The following XKR9 variants were observed in gnomAD, a reference collection of about 807,000 sequenced individuals.
XKR9 encodes the protein XK related 9, also known as XK-related protein 9.
A neutral mutation model predicts 32.0 loss-of-function variants in XKR9; 32 were observed. That is an observed-to-expected ratio of 1.00 (90% CI 0.76 to 1.34). The LOEUF is 1.34. Ranked by LOEUF, XKR9 falls within the 40% of genes most tolerant of loss-of-function variation. The pLI, the probability that XKR9 is intolerant of heterozygous loss-of-function variation, is 0.00. For missense variants in XKR9, 546 were observed against 429.7 expected (o/e 1.27, Z -2.39); for synonymous variants, 168 against 143.4 (o/e 1.17, Z -1.22).
chr8:70,875,463 C>A, the XKR9 span, among the ~76,000 whole-genome samples: 3 of 152,138 alleles, frequency 2.0e-5, no homozygotes, highest in African/African-American at 7.2e-5. Context: ...AATACTGGTG[C>A]CTCCTCAAAG....
chr8:71,061,962 A>C, the XKR9 span, among the ~76,000 whole-genome samples: 4 of 152,210 alleles, frequency 2.6e-5, no homozygotes, highest in African/African-American at 9.7e-5. Flanking sequence ...GAGACAAAAG[A>C]AGCATTATCC....
At chr8:70,850,463 CAA>C in the XKR9 span, among the ~76,000 whole-genome samples, 14 of 73,974 alleles carry the variant, frequency 1.9e-4, no homozygotes, top group Non-Finnish European at 2.8e-4. Context: ...GACTCCTTCT[CAA>C]AAAAAAAAAA....
intron 1 of XKR9, among the ~76,000 whole-genome samples, chr8:70,671,560 A>C: frequency 1.2e-5 from 1 of 80,716 alleles, no homozygotes; most frequent in African/African-American, 3.8e-5. Flanking sequence ...TTCAATTCCC[A>C]CCTATGAGTG....
intron 2 of XKR9, among the ~76,000 whole-genome samples, chr8:70,769,730 G>C (rs1339004743): frequency 6.6e-6 from 1 of 151,088 alleles, no homozygotes; most frequent in Non-Finnish European, 1.5e-5. Flanking sequence ...TGATCGATTT[G>C]ACTCTTGATA....
chr8:70,806,760 G>T, the XKR9 span, among the ~76,000 whole-genome samples: 2 of 152,024 alleles, frequency 1.3e-5, no homozygotes, highest in Non-Finnish European at 2.9e-5. Flanking sequence ...AGAAATGAGG[G>T]ACTTCATAAA....
chr8:70,784,497 T>C (rs1807657505), intron 2 of XKR9, among the ~76,000 whole-genome samples: 1 of 152,094 alleles, frequency 6.6e-6, no homozygotes, highest in Non-Finnish European at 1.5e-5. Flanking sequence ...CTGGTTAGTT[T>C]GTTGTTAGTG....
the XKR9 span, among the ~76,000 whole-genome samples, chr8:70,915,605 A>G: frequency 6.6e-6 from 1 of 152,166 alleles, no homozygotes; most frequent in South Asian, 2.1e-4. Context: ...TTGCTTTTTC[A>G]TATTAATCTA....
At chr8:70,867,527 C>T in the XKR9 span, among the ~76,000 whole-genome samples, 1 of 152,222 alleles carries the variant, frequency 6.6e-6, no homozygotes, top group Non-Finnish European at 1.5e-5. Context: ...TCTTGGCTCA[C>T]TGCAACCTCT....
At chr8:70,958,118 T>G in the XKR9 span, among the ~76,000 whole-genome samples, 1 of 152,222 alleles carries the variant, frequency 6.6e-6, no homozygotes, top group Non-Finnish European at 1.5e-5. Flanking sequence ...GCATTTAGGT[T>G]GATTCTATGT....
At chr8:70,956,149 C>T in the XKR9 span, among the ~76,000 whole-genome samples, 1 of 152,096 alleles carries the variant, frequency 6.6e-6, no homozygotes, top group Admixed American at 6.5e-5. Context: ...CTCTTTCAGT[C>T]CCGCCATTCT....
the XKR9 span, among the ~76,000 whole-genome samples, chr8:70,964,897 A>C: frequency 3.9e-5 from 6 of 152,074 alleles, no homozygotes; most frequent in African/African-American, 1.4e-4. Context: ...TCTGCAAAAA[A>C]AGTTAATTTC....
chr8:71,002,432 G>T, the XKR9 span, among the ~76,000 whole-genome samples: 1 of 150,424 alleles, frequency 6.6e-6, no homozygotes, highest in African/African-American at 2.4e-5. Flanking sequence ...CTTTTAGTAT[G>T]TTCTGTCTCT....
At chr8:70,776,536 T>C (rs1354607828) in intron 2 of XKR9, among the ~76,000 whole-genome samples, 2 of 151,956 alleles carry the variant, frequency 1.3e-5, no homozygotes, top group Non-Finnish European at 2.9e-5. Flanking sequence ...CTCCCTGGGG[T>C]TTCTATAAGA....
At chr8:71,058,437 T>A in the XKR9 span, among the ~76,000 whole-genome samples, 1 of 152,176 alleles carries the variant, frequency 6.6e-6, no homozygotes, top group Non-Finnish European at 1.5e-5. Flanking sequence ...AGATTAATCC[T>A]CCCTTTCCTC....
the XKR9 span, among the ~76,000 whole-genome samples, chr8:70,858,796 A>G: frequency 3.3e-5 from 5 of 152,078 alleles, no homozygotes; most frequent in Admixed American, 3.3e-4. Context: ...GGAAAACTAG[A>G]TAACTACATG....
At chr8:70,856,714 T>C in the XKR9 span, among the ~76,000 whole-genome samples, 1 of 152,160 alleles carries the variant, frequency 6.6e-6, no homozygotes, top group African/African-American at 2.4e-5. Flanking sequence ...ATTGACCACA[T>C]AGTTGGAAGT....
At chr8:70,878,481 C>CA in the XKR9 span, among the ~76,000 whole-genome samples, 57 of 148,134 alleles carry the variant, frequency 3.8e-4, no homozygotes, top group African/African-American at 8.9e-4. Flanking sequence ...AAATGGAAAG[C>CA]AAAAAAAAAG....
chr8:71,042,452 T>G, the XKR9 span, among the ~76,000 whole-genome samples: 2 of 152,112 alleles, frequency 1.3e-5, no homozygotes, highest in African/African-American at 4.8e-5. Flanking sequence ...TTACATAAGC[T>G]CTCTGTGCCT....
At chr8:70,932,012 T>G in the XKR9 span, among the ~76,000 whole-genome samples, 1 of 152,138 alleles carries the variant, frequency 6.6e-6, no homozygotes, top group East Asian at 1.9e-4. Flanking sequence ...ATGTTCTTGA[T>G]TCTGTTGAGT....
Sources: gnomAD v4.1 joint callset for allele counts (sites outside exome capture counted in the v4.1 genomes callset) on GRCh38, gnomAD v4.1.1 for gene constraint, MANE v1.5 for transcripts, NCBI Gene and HGNC (gene_info 2026-07-23, HGNC 2026-07-21) for gene names.